Variants in ZFHX3 observed in about 807,000 individuals in gnomAD.
ZFHX3 encodes zinc finger homeobox 3.
Under a neutral mutation model 279.1 loss-of-function variants are expected in ZFHX3, and 42 were observed. The ratio of observed to expected loss-of-function variants is 0.15; its 90% confidence interval spans 0.12 to 0.19. The LOEUF is 0.19. Among genes scored for constraint, ZFHX3 ranks in the 10% least tolerant of loss-of-function variants. The pLI is 1.00. For synonymous variants in ZFHX3, 2,293 were observed against 1,957.8 expected (o/e 1.17, Z -4.52); for missense variants, 4,981 against 4,754.0 (o/e 1.05, Z -1.40).
At chr16:73,674,811 G>A (rs111312329) in intron 2 of ZFHX3, among the ~76,000 whole-genome samples, 14 of 152,230 alleles carry the variant, frequency 9.2e-5, no homozygotes, top group African/African-American at 3.4e-4. Context: ...ATGTGCAGGA[G>A]GCTATCAGGA....
At chr16:73,591,279 G>A (rs1877025256) in intron 2 of ZFHX3, among the ~76,000 whole-genome samples, 1 of 151,988 alleles carries the variant, frequency 6.6e-6, no homozygotes, top group South Asian at 2.1e-4. Context: ...CTTGAATCCA[G>A]GAGGCAGAGG....
At chr16:73,482,547 C>G (rs2018888572) in intron 2 of ZFHX3, among the ~76,000 whole-genome samples, 1 of 152,200 alleles carries the variant, frequency 6.6e-6, no homozygotes, top group Admixed American at 6.5e-5. Context: ...CGGGAAGCCT[C>G]TCCAGGCTGT....
intron 2 of ZFHX3, among the ~76,000 whole-genome samples, chr16:73,528,501 C>T (rs1212816377): frequency 1.3e-5 from 2 of 152,166 alleles, no homozygotes; most frequent in African/African-American, 4.8e-5. Context: ...AAGGAGTTTA[C>T]AATCCCAGCA....
chr16:72,923,554 T>G (rs1479414540), intron 3 of ZFHX3, among the ~76,000 whole-genome samples: 1 of 152,178 alleles, frequency 6.6e-6, no homozygotes, highest in Non-Finnish European at 1.5e-5. Context: ...GGTTAATGAT[T>G]TCCCAGAGAC....
chr16:73,590,906 T>G (rs1247299528), intron 2 of ZFHX3, among the ~76,000 whole-genome samples: 4 of 151,980 alleles, frequency 2.6e-5, no homozygotes, highest in African/African-American at 9.7e-5. Context: ...TAAAGTAATT[T>G]TTGGGAAAAA....
intron 1 of ZFHX3, among the ~76,000 whole-genome samples, chr16:73,791,820 T>C (rs1959833572): frequency 1.3e-5 from 2 of 152,236 alleles, no homozygotes; most frequent in African/African-American, 4.8e-5. Context: ...CAAATATGTA[T>C]TAATGAAAAT....
intron 1 of ZFHX3, among the ~76,000 whole-genome samples, chr16:73,690,680 T>C (rs971400062): frequency 2.6e-5 from 4 of 152,152 alleles, no homozygotes; most frequent in African/African-American, 7.2e-5. Flanking sequence ...AGCTTGAAAA[T>C]AAATTGTGCA....
At chr16:73,533,350 T>C (rs747743803) in intron 2 of ZFHX3, among the ~76,000 whole-genome samples, 7 of 150,690 alleles carry the variant, frequency 4.6e-5, no homozygotes, top group Non-Finnish European at 7.4e-5. Flanking sequence ...TTACCATGCA[T>C]AAACCACTCA....
At chr16:73,816,889 G>A (rs914607907) in intron 1 of ZFHX3, among the ~76,000 whole-genome samples, 1 of 152,214 alleles carries the variant, frequency 6.6e-6, no homozygotes, top group Non-Finnish European at 1.5e-5. Context: ...GGGTTTCTGA[G>A]GAGAGAGTTG....
intron 5 of ZFHX3, among the ~76,000 whole-genome samples, chr16:73,203,181 A>G (rs2011670250): frequency 6.6e-6 from 1 of 152,076 alleles, no homozygotes; most frequent in Admixed American, 6.6e-5. Flanking sequence ...TATGCCTGGA[A>G]TGGCCTTGAG....
chr16:73,233,171 C>G (rs1459103689), intron 5 of ZFHX3: 1 of 151,180 alleles, frequency 6.6e-6, no homozygotes, highest in African/African-American at 2.4e-5. Context: ...ACACCCGTCG[C>G]TCCGGTGGGA....
At chr16:73,401,684 A>C (rs2017258370) in intron 3 of ZFHX3, 1 of 152,190 alleles carries the variant, frequency 6.6e-6, no homozygotes, top group Non-Finnish European at 1.5e-5. Context: ...CATGTGCTTT[A>C]TAAAAACTGG....
chr16:73,502,522 T>A (rs1305299625), intron 2 of ZFHX3, among the ~76,000 whole-genome samples: 1 of 152,176 alleles, frequency 6.6e-6, no homozygotes, highest in Non-Finnish European at 1.5e-5. Flanking sequence ...TCCTGCATGG[T>A]GTCTAACCAC....
rs766113421 is a variant in ZFHX3, at chr16:72,929,239, TAAAAAAAAAAA to T, written c.3216+21219_3216+21229del. The stretch of plus-strand genomic sequence containing the variant: ...GGCGACAGAGCCGCCAGACCCTGTC[TAAAAAAAAAAA>T]AAAAAAAGAGTGAGGTAAAAAATCA... On this transcript the variant is annotated intron_variant, in intron 3 of 9. Transcript: ENST00000268489. 3.9e-4 allele frequency among the ~76,000 whole-genome samples: 46 copies of T among 116,870 alleles called. 1 individual carries two copies. Among genetic ancestry groups the T allele is most frequent in the African/African-American group, 1.4e-3 (45 of 31,422 alleles). The allele number at this position is 116,870 out of a possible 152,430, so 76.7% of individuals were successfully genotyped here. A position where few individuals can be genotyped will look rare whatever the true frequency, so the allele number is the denominator to read the frequency against.
At chr16:73,378,723 G>A (rs970278699) in intron 3 of ZFHX3, among the ~76,000 whole-genome samples, 1 of 152,094 alleles carries the variant, frequency 6.6e-6, no homozygotes, top group Non-Finnish European at 1.5e-5. Flanking sequence ...TTCTCCATGT[G>A]ACATATTCCT....
chr16:73,884,067 G>C (rs1017333410), intron 1 of ZFHX3, among the ~76,000 whole-genome samples: 1 of 152,090 alleles, frequency 6.6e-6, no homozygotes, highest in East Asian at 1.9e-4. Context: ...AACAGCTTTC[G>C]TTACACATTT....
intron 2 of ZFHX3, among the ~76,000 whole-genome samples, chr16:73,563,577 C>A (rs2020408138): frequency 6.6e-6 from 1 of 152,116 alleles, no homozygotes; most frequent in South Asian, 2.1e-4. Context: ...TAATAATCTA[C>A]AGTATTAGGG....
intron 3 of ZFHX3, among the ~76,000 whole-genome samples, chr16:72,922,339 G>T (rs529549287): frequency 4.6e-5 from 7 of 152,258 alleles, no homozygotes; most frequent in African/African-American, 1.7e-4. Context: ...GCATTAGGAC[G>T]GTGAGGCCCC....
chr16:73,560,284 C>T (rs2020350444), intron 2 of ZFHX3, among the ~76,000 whole-genome samples: 1 of 152,150 alleles, frequency 6.6e-6, no homozygotes, highest in East Asian at 1.9e-4. Context: ...AGATCTTCCT[C>T]CTTCCGCCGC....
Sources: allele counts gnomAD v4.1 joint callset (sites outside exome capture counted in the v4.1 genomes callset), GRCh38; gene constraint gnomAD v4.1.1; transcripts MANE v1.5; gene names NCBI Gene and HGNC (gene_info 2026-07-23, HGNC 2026-07-21).